Variants in MYT1L observed in about 807,000 individuals in gnomAD.
MYT1L encodes myelin transcription factor 1-like protein.
Under a neutral mutation model 126.7 loss-of-function variants are expected in MYT1L, and 12 were observed. The ratio of observed to expected loss-of-function variants is 0.09; its 90% CI spans 0.06 to 0.15. The LOEUF is 0.15. Ranked by LOEUF, MYT1L falls within the 10% of genes least tolerant of loss-of-function variation. The pLI is 1.00. For synonymous variants in MYT1L, 541 were observed against 604.2 expected (o/e 0.90, Z 1.53); for missense variants, 979 against 1,585.2 (o/e 0.62, Z 6.49).
chr2:1,961,852 A>G (rs1235480959), intron 8 of MYT1L, among the ~76,000 whole-genome samples: 1 of 152,212 alleles, frequency 6.6e-6, no homozygotes. Flanking sequence ...GGGTACAAAT[A>G]TACGGTTTGA....
rs181009780 is a variant in MYT1L, at chr2:2,083,860, G to C, written c.-303-29737C>G. On this transcript the variant is annotated intron_variant, in intron 3 of 24. Transcript: ENST00000647738. ...AAAGGAAAGTTCAGTTCTTAGAGGGGAGGGAGACCACTCCATCAGTAAGCC... is the reference window on the plus strand; with the variant it reads ...AAAGGAAAGTTCAGTTCTTAGAGGGCAGGGAGACCACTCCATCAGTAAGCC... Among the ~76,000 whole-genome samples, 357 of 150,800 alleles carry C rather than the reference G, an allele frequency of 2.4e-3. 1 individual carries two copies. The highest frequency in any genetic ancestry group is 4.0e-3 in the Non-Finnish European group (268 of 67,784).
At chr2:2,077,229 T>C (rs965301589) in intron 3 of MYT1L, among the ~76,000 whole-genome samples, 2 of 152,124 alleles carry the variant, frequency 1.3e-5, no homozygotes, top group African/African-American at 4.8e-5. Flanking sequence ...TATCCTTATA[T>C]ACAGAATGAG....
At chr2:1,867,396 C>G (rs2045719189) in intron 18 of MYT1L, among the ~76,000 whole-genome samples, 1 of 152,158 alleles carries the variant, frequency 6.6e-6, no homozygotes, top group Non-Finnish European at 1.5e-5. Context: ...CCCTTGCCTC[C>G]TGCCTATCCC....
At position 2,186,716 on chromosome 2, in the gene MYT1L, G is replaced by A. The variant is rs527979623; in HGVS notation, c.-420-13728C>T. 3.9e-5 allele frequency among the ~76,000 whole-genome samples: 6 copies of A among 152,232 alleles called. No homozygotes were observed. In the South Asian group the frequency reaches 1.2e-3, roughly 32 times the overall value. On this transcript the variant is annotated intron_variant, in intron 2 of 24. Coordinates refer to ENST00000647738, the MANE Select transcript of MYT1L (RefSeq NM_001303052.2). Reference sequence around the variant, plus strand: ...TTGACCCAATTTTTGCATAAGCATCGCAGAATCAAAAATCTATAATTAACA... The same window carrying A: ...TTGACCCAATTTTTGCATAAGCATCACAGAATCAAAAATCTATAATTAACA...
At chr2:1,890,613 A>T (rs1236388788) in intron 15 of MYT1L, among the ~76,000 whole-genome samples, 2 of 152,106 alleles carry the variant, frequency 1.3e-5, no homozygotes, top group African/African-American at 4.8e-5. Context: ...TCAGGAAGAG[A>T]GTCAGAAGAA....
At position 1,852,052 on chromosome 2, in the gene MYT1L, G is replaced by C. The variant is rs2043339501; in HGVS notation, c.2712-349C>G. The stretch of plus-strand genomic sequence containing the variant: ...AGCAGAGCCAGCAACCACAGGGCTT[G>C]TTACTGCACCAGCCCACGTGGGAAG... On this transcript the variant is annotated intron_variant, in intron 18 of 24. Transcript: ENST00000647738. The surrounding 1 kb of genome is among the most constrained non-coding windows in gnomAD (Gnocchi z 4.0). Among the ~76,000 whole-genome samples, 1 of 152,164 alleles carries C rather than the reference G, an allele frequency of 6.6e-6. No individual in the cohort carries two copies. The highest frequency in any genetic ancestry group is 2.4e-5 in the African/African-American group (1 of 41,432).
intron 2 of MYT1L, among the ~76,000 whole-genome samples, chr2:2,241,044 T>A (rs1218175004): frequency 6.6e-6 from 1 of 152,178 alleles, no homozygotes; most frequent in Non-Finnish European, 1.5e-5. Context: ...CAAAAAAGTA[T>A]CATGCTGCAA....
At chr2:2,267,132 G>A (rs1452235202) in intron 2 of MYT1L, among the ~76,000 whole-genome samples, 3 of 152,196 alleles carry the variant, frequency 2.0e-5, no homozygotes, top group Admixed American at 6.5e-5. Flanking sequence ...GGGGCAGGGC[G>A]TGCCTGGGAG....
At chr2:2,189,245 C>T (rs1015502509) in intron 2 of MYT1L, among the ~76,000 whole-genome samples, 1 of 152,248 alleles carries the variant, frequency 6.6e-6, no homozygotes, top group Non-Finnish European at 1.5e-5. Flanking sequence ...CTCCTGACTC[C>T]TGTGTTGCTC....
At chr2:2,113,228 G>C (rs1194378518) in intron 3 of MYT1L, among the ~76,000 whole-genome samples, 1 of 152,180 alleles carries the variant, frequency 6.6e-6, no homozygotes, top group Non-Finnish European at 1.5e-5. Context: ...AGAGTGACTT[G>C]GGATTCCTGA....
intron 1 of MYT1L, among the ~76,000 whole-genome samples, chr2:2,313,174 T>C (rs1208793650): frequency 2.0e-5 from 3 of 152,162 alleles, no homozygotes; most frequent in Non-Finnish European, 4.4e-5. Context: ...AGGAGCTTTT[T>C]CTCCATGTCC....
chr2:2,186,690 CTT>C (rs1412889630), intron 2 of MYT1L, among the ~76,000 whole-genome samples: 4 of 152,178 alleles, frequency 2.6e-5, no homozygotes, highest in Non-Finnish European at 4.4e-5. Flanking sequence ...CTTACTAACT[CTT>C]GACCCAATTT....
chr2:2,320,389 G>A (rs2096140948), intron 1 of MYT1L, among the ~76,000 whole-genome samples: 1 of 151,012 alleles, frequency 6.6e-6, no homozygotes, highest in Non-Finnish European at 1.5e-5. Context: ...TTAAATTCAT[G>A]ACATGGTGCT....
At chr2:2,100,608 T>A (rs1441546372) in intron 3 of MYT1L, among the ~76,000 whole-genome samples, 5 of 152,152 alleles carry the variant, frequency 3.3e-5, no homozygotes, top group African/African-American at 4.8e-5. Context: ...TGTTCTTGAG[T>A]TATTAATATT....
intron 8 of MYT1L, among the ~76,000 whole-genome samples, chr2:1,967,194 A>G (rs2059433438): frequency 6.6e-6 from 1 of 152,214 alleles, no homozygotes; most frequent in Admixed American, 6.5e-5. Context: ...TCTATTGCCA[A>G]TAATATCCTC....
At chr2:2,084,807 A>G (rs773070053) in intron 3 of MYT1L, among the ~76,000 whole-genome samples, 10 of 152,250 alleles carry the variant, frequency 6.6e-5, no homozygotes, top group Non-Finnish European at 1.2e-4. Flanking sequence ...GATGATGAAT[A>G]CAAGGATTTA....
Position 1,796,109 on chromosome 2 carries a change from C to T in MYT1L, c.3277-3645G>A, listed in dbSNP as rs564441096. Among the ~76,000 whole-genome samples the T allele has an allele frequency of 3.9e-5, 6 of 152,332 alleles. No homozygotes were observed. The East Asian group carries it at 5.8e-4, about 15-fold the overall frequency. ...CTATTAAATTCCGACTGCAGCACCACGTGACGCTGTGTTGAAACAGGGTCA... is the reference window on the plus strand; with the variant it reads ...CTATTAAATTCCGACTGCAGCACCATGTGACGCTGTGTTGAAACAGGGTCA... On this transcript the variant is annotated intron_variant, in intron 23 of 24. Transcript: ENST00000647738.
intron 18 of MYT1L, among the ~76,000 whole-genome samples, chr2:1,862,543 T>G (rs2044825014): frequency 6.6e-6 from 1 of 152,198 alleles, no homozygotes; most frequent in Admixed American, 6.5e-5. Context: ...TTTTTATTGA[T>G]CAGTTCACAT....
chr2:2,148,010 TGGA>T (rs1253499939), intron 3 of MYT1L, among the ~76,000 whole-genome samples: 1 of 152,206 alleles, frequency 6.6e-6, no homozygotes, highest in African/African-American at 2.4e-5. Context: ...AGAATGCTGT[TGGA>T]GGAGATTGGC....
Sources: gnomAD v4.1 joint callset for allele counts (sites outside exome capture counted in the v4.1 genomes callset) on GRCh38, gnomAD v4.1.1 for gene constraint, Gnocchi (gnomAD v3.1) non-coding constraint, MANE v1.5 for transcripts, NCBI Gene and HGNC (gene_info 2026-07-23, HGNC 2026-07-21) for gene names.